The following EVA1C variants were observed in gnomAD, a reference collection of about 807,000 sequenced individuals.
EVA1C encodes the protein eva-1 homolog C.
Under a neutral mutation model 45.4 loss-of-function variants are expected in EVA1C, and 25 were observed. The ratio of observed to expected loss-of-function variants is 0.55; its 90% CI spans 0.40 to 0.77. The LOEUF (loss-of-function observed/expected upper bound fraction) is 0.77. Ranked by LOEUF, EVA1C falls within the 30% of genes least tolerant of loss-of-function variation. The probability of loss-of-function intolerance (pLI) is 0.00; values close to 1 mark genes in which losing one functional copy is unlikely to be tolerated. For synonymous variants in EVA1C, 190 were observed against 221.2 expected (o/e 0.86, Z 1.25); for missense variants, 479 against 554.8 (o/e 0.86, Z 1.37).
intron 4 of EVA1C, among the ~76,000 whole-genome samples, chr21:32,492,050 T>G (rs558085432): frequency 1.1e-3 from 164 of 151,986 alleles, no homozygotes; most frequent in African/African-American, 3.7e-3. Context: ...CTGTGCAAAA[T>G]GAAAATGCAA....
At chr21:32,492,677 G>A (rs1162870620) in intron 4 of EVA1C, among the ~76,000 whole-genome samples, 2 of 150,310 alleles carry the variant, frequency 1.3e-5, no homozygotes, top group South Asian at 2.1e-4. Flanking sequence ...TCAAAATCTC[G>A]GCCCACCTCA....
chr21:32,511,919 A>G (rs1178793474), intron 7 of EVA1C, among the ~76,000 whole-genome samples: 1 of 152,106 alleles, frequency 6.6e-6, no homozygotes, highest in Non-Finnish European at 1.5e-5. Context: ...ACAGTTCCCG[A>G]CCCACCAGCA....
At chr21:32,470,257 G>C (rs768995253) in intron 4 of EVA1C, among the ~76,000 whole-genome samples, 7 of 152,190 alleles carry the variant, frequency 4.6e-5, no homozygotes, top group Non-Finnish European at 1.0e-4. Flanking sequence ...ACTCAGGTGA[G>C]TCTCAAGAGA....
chr21:32,466,102 AGT>A (rs144135687), intron 3 of EVA1C, among the ~76,000 whole-genome samples: 22,053 of 152,086 alleles, frequency 0.15, 1,827 homozygotes, highest in East Asian at 0.25. Context: ...TTGTGTCTGC[AGT>A]GTTAGCTCTT....
At chr21:32,422,969 G>T (rs930248247) in intron 1 of EVA1C, among the ~76,000 whole-genome samples, 1 of 150,112 alleles carries the variant, frequency 6.7e-6, no homozygotes, top group Non-Finnish European at 1.5e-5. Context: ...TACTCACGAG[G>T]CTGAGGCAGG....
At chr21:32,430,124 T>A (rs2034642741) in intron 1 of EVA1C, among the ~76,000 whole-genome samples, 1 of 152,134 alleles carries the variant, frequency 6.6e-6, no homozygotes. Context: ...CACCCTTTGG[T>A]GAGGGCACTT....
At chr21:32,471,838 C>G (rs1036920891) in intron 4 of EVA1C, among the ~76,000 whole-genome samples, 4 of 151,924 alleles carry the variant, frequency 2.6e-5, no homozygotes, top group African/African-American at 7.3e-5. Context: ...CTATGTTAGC[C>G]AGGATGGTCT....
chr21:32,468,150 T>A (rs1162593803), intron 4 of EVA1C: 1 of 154,394 alleles, frequency 6.5e-6, no homozygotes, highest in Non-Finnish European at 1.4e-5. Flanking sequence ...GGTGGGTGGA[T>A]CACGAGGTCA....
At chr21:32,491,582 G>T (rs778757233) in intron 4 of EVA1C, among the ~76,000 whole-genome samples, 1 of 151,230 alleles carries the variant, frequency 6.6e-6, no homozygotes, top group Non-Finnish European at 1.5e-5. Flanking sequence ...TACTTGGTCG[G>T]CTGGGGCAAG....
chr21:32,416,947 C>G (rs910944855), intron 1 of EVA1C, among the ~76,000 whole-genome samples: 2 of 152,210 alleles, frequency 1.3e-5, no homozygotes, highest in Admixed American at 1.3e-4. Context: ...AAAGGTCACT[C>G]TATAATAGAA....
intron 6 of EVA1C, among the ~76,000 whole-genome samples, chr21:32,503,418 T>A (rs529787144): frequency 6.6e-6 from 1 of 152,256 alleles, no homozygotes; most frequent in Admixed American, 6.5e-5. Context: ...TGGTGGCACG[T>A]GCCTGTAATC....
At chr21:32,419,663 C>T (rs56133415) in intron 1 of EVA1C, among the ~76,000 whole-genome samples, 8,855 of 152,058 alleles carry the variant, frequency 0.058, 376 homozygotes, top group Non-Finnish European at 0.075. Context: ...TGCAGTGAGC[C>T]GAAATCGTGC....
chr21:32,490,498 A>G (rs1027885776), intron 4 of EVA1C, among the ~76,000 whole-genome samples: 2 of 152,130 alleles, frequency 1.3e-5, no homozygotes, highest in Admixed American at 6.5e-5. Context: ...GGCAAAGGGG[A>G]GAGAACCATT....
intron 7 of EVA1C, among the ~76,000 whole-genome samples, chr21:32,510,043 C>CT (rs58017017): frequency 0.025 from 2,858 of 114,486 alleles, 104 homozygotes; most frequent in African/African-American, 0.052. Context: ...TCCGACATTC[C>CT]TTTTTTTTTT....
At chr21:32,471,738 C>T (rs2036385340) in intron 4 of EVA1C, among the ~76,000 whole-genome samples, 1 of 152,004 alleles carries the variant, frequency 6.6e-6, no homozygotes, top group Admixed American at 6.6e-5. Context: ...ATGCCATTCT[C>T]CTGCCTCAGC....
chr21:32,514,907 C>A lies in EVA1C; in HGVS notation c.1043C>A (p.Ala348Asp), dbSNP rs1393619835. 2 of 1,614,040 alleles carry A rather than the reference C, an allele frequency of 1.2e-6. No homozygotes were observed. Among genetic ancestry groups the A allele is most frequent in the Non-Finnish European group, 1.7e-6 (2 of 1,180,018 alleles). Residue 348 changes from alanine (A) to aspartate (D), a missense_variant, in exon 8 of 8, where the codon GCC (alanine) becomes GAC (aspartate). This residue lies in a region of EVA1C where 366 missense variants were observed against 426.1 expected (regional missense o/e 0.86). Transcript: ENST00000300255. ...GCCCTGGTCATCAGAGAGTCCTGTG[C>A]CAAGGACTTCCGCGACTTGCAGCTG... Reference protein sequence around the residue: ...LCALVIRESCAKDFRDLQLGR... With the variant: ...LCALVIRESCDKDFRDLQLGR...
intron 4 of EVA1C, among the ~76,000 whole-genome samples, chr21:32,488,829 GC>G (rs2037062613): frequency 6.6e-6 from 1 of 150,458 alleles, no homozygotes; most frequent in Non-Finnish European, 1.5e-5. Flanking sequence ...CAGGTGATCC[GC>G]CCACCTTGGC....
intron 2 of EVA1C, among the ~76,000 whole-genome samples, chr21:32,456,142 T>A (rs1451803408): frequency 1.3e-5 from 2 of 152,162 alleles, no homozygotes; most frequent in Admixed American, 6.5e-5. Context: ...TCTGCCCGCT[T>A]CGGCCCCCCA....
intron 1 of EVA1C, among the ~76,000 whole-genome samples, chr21:32,421,544 G>A (rs2034272928): frequency 6.6e-5 from 10 of 152,088 alleles, no homozygotes; most frequent in Admixed American, 6.6e-4. Context: ...CCTTTACTGG[G>A]AAACCCAAGT....
Sources: gnomAD v4.1 joint callset for allele counts (sites outside exome capture counted in the v4.1 genomes callset) on GRCh38, gnomAD v4.1.1 for gene constraint, gnomAD v4.1.1 regional missense constraint, MANE v1.5 for transcripts, NCBI Gene and HGNC (gene_info 2026-07-23, HGNC 2026-07-21) for gene names.